The following DPYD variants were observed in gnomAD, a reference collection of about 807,000 sequenced individuals.
DPYD encodes dihydropyrimidine dehydrogenase [NADP(+)].
A neutral mutation model predicts 116.2 loss-of-function variants in DPYD; 109 were observed. The observed-to-expected ratio is 0.94, with a 90% CI of 0.80 to 1.10. The LOEUF is 1.10. DPYD is among the 50% of genes least tolerant of loss of function. The pLI is 0.00. For missense variants in DPYD, 1,302 were observed against 1,254.5 expected, an observed-to-expected ratio of 1.04 and a Z score of -0.57; for synonymous variants, 440 against 432.0, an observed-to-expected ratio of 1.02 and a Z score of -0.23.
At chr1:97,674,263 T>C (rs543216773) in intron 8 of DPYD, among the ~76,000 whole-genome samples, 1 of 152,310 alleles carries the variant, frequency 6.6e-6, no homozygotes, top group East Asian at 1.9e-4. Context: ...AAAAAGACTA[T>C]TCATCTCTAC....
chr1:97,847,228 TA>T (rs1338928982), intron 2 of DPYD, among the ~76,000 whole-genome samples: 1 of 152,188 alleles, frequency 6.6e-6, no homozygotes, highest in Non-Finnish European at 1.5e-5. Flanking sequence ...TGCTAAAGAA[TA>T]AGAATATAAT....
At chr1:97,463,143 T>C (rs77890507) in intron 13 of DPYD, among the ~76,000 whole-genome samples, 6 of 152,230 alleles carry the variant, frequency 3.9e-5, no homozygotes, top group African/African-American at 1.2e-4. Flanking sequence ...CTAAAATGTG[T>C]TGATATAATT....
At chr1:97,694,714 A>G (rs1468339756) in intron 6 of DPYD, among the ~76,000 whole-genome samples, 1 of 152,162 alleles carries the variant, frequency 6.6e-6, no homozygotes, top group Non-Finnish European at 1.5e-5. Flanking sequence ...CAGTAAAGTA[A>G]AAAGGTGTGT....
chr1:97,828,289 T>A (rs1320206654), intron 2 of DPYD, 93 bp from the exon 3 acceptor site: 2 of 1,139,758 alleles, frequency 1.8e-6, no homozygotes, highest in Non-Finnish European at 2.6e-6. Flanking sequence ...ATTATATTGA[T>A]CATGGACTCA....
At chr1:97,118,630 A>G (rs1007473223) in intron 20 of DPYD, among the ~76,000 whole-genome samples, 1 of 152,198 alleles carries the variant, frequency 6.6e-6, no homozygotes, top group Admixed American at 6.5e-5. Flanking sequence ...TCAATACTCA[A>G]TAAGGAGATT....
chr1:97,876,024 T>A (rs1423553306), intron 2 of DPYD, among the ~76,000 whole-genome samples: 1 of 152,066 alleles, frequency 6.6e-6, no homozygotes, highest in Non-Finnish European at 1.5e-5. Context: ...ATCTCTTTAT[T>A]CAAATGTCTA....
At chr1:97,543,581 A>G (rs1037112779) in intron 12 of DPYD, among the ~76,000 whole-genome samples, 4 of 152,238 alleles carry the variant, frequency 2.6e-5, no homozygotes, top group African/African-American at 9.6e-5. Flanking sequence ...CTAATGTAAA[A>G]TATAAGACAA....
intron 16 of DPYD, among the ~76,000 whole-genome samples, chr1:97,307,909 T>C (rs985912802): frequency 6.6e-6 from 1 of 151,942 alleles, no homozygotes; most frequent in Non-Finnish European, 1.5e-5. Flanking sequence ...CTAGATGATA[T>C]GAATTGCATG....
chr1:97,885,217 G>T, intron 1 of DPYD, among the ~76,000 whole-genome samples: 1 of 151,696 alleles, frequency 6.6e-6, no homozygotes, highest in African/African-American at 2.4e-5. Flanking sequence ...AAAAATTATT[G>T]GGTCATGTTC....
chr1:97,842,198 C>A (rs533446079), intron 2 of DPYD, among the ~76,000 whole-genome samples: 60 of 151,892 alleles, frequency 4.0e-4, no homozygotes, highest in African/African-American at 1.3e-3. Flanking sequence ...TATTTTTAAT[C>A]AACTTTGGCG....
At chr1:97,647,337 G>A (rs1658324120) in intron 8 of DPYD, among the ~76,000 whole-genome samples, 1 of 151,966 alleles carries the variant, frequency 6.6e-6, no homozygotes. Flanking sequence ...AAGTGATGGG[G>A]AGATGAGTAC....
intron 16 of DPYD, among the ~76,000 whole-genome samples, chr1:97,336,270 C>T (rs58054780): frequency 0.064 from 9,744 of 152,134 alleles, 419 homozygotes; most frequent in African/African-American, 0.12. Flanking sequence ...CAGGTAAATG[C>T]AGTATCAATG....
intron 14 of DPYD, among the ~76,000 whole-genome samples, chr1:97,401,044 T>C (rs1673346393): frequency 6.6e-6 from 1 of 152,118 alleles, no homozygotes; most frequent in Non-Finnish European, 1.5e-5. Context: ...GTTGTTTTAA[T>C]TTGCATTTCC....
chr1:97,399,564 T>A (rs1204219417), intron 14 of DPYD, among the ~76,000 whole-genome samples: 1 of 152,224 alleles, frequency 6.6e-6, no homozygotes, highest in Non-Finnish European at 1.5e-5. Flanking sequence ...ACGATATTTA[T>A]TCTTCCTGTC....
At chr1:97,628,373 G>A (rs1395919475) in intron 8 of DPYD, among the ~76,000 whole-genome samples, 1 of 152,022 alleles carries the variant, frequency 6.6e-6, no homozygotes, top group African/African-American at 2.4e-5. Flanking sequence ...AGTATACACA[G>A]TGATTTTTCT....
intron 6 of DPYD, among the ~76,000 whole-genome samples, chr1:97,697,602 T>G (rs1290564461): frequency 6.6e-6 from 1 of 152,002 alleles, no homozygotes; most frequent in Non-Finnish European, 1.5e-5. Flanking sequence ...CTGAAAAGAT[T>G]CAAAGGCAAA....
chr1:97,168,701 T>C lies in DPYD; in HGVS notation c.2622+24368A>G, dbSNP rs17116518. The stretch of plus-strand genomic sequence containing the variant: ...TTTTTAACCAATGAGTTTAGATATA[T>C]TCTAGATGACCAAATTGAACTTTAA... On this transcript the variant is annotated intron_variant, in intron 20 of 22. Transcript: ENST00000370192. 0.017 allele frequency among the ~76,000 whole-genome samples: 2,658 copies of C among 152,236 alleles called. 210 individuals are homozygous for C. In the East Asian group the frequency reaches 0.24, roughly 14 times the overall value.
At chr1:97,740,532 A>G (rs1266833525) in intron 3 of DPYD, 53 bp from the exon 4 acceptor site, 4 of 1,455,110 alleles carry the variant, frequency 2.7e-6, no homozygotes, top group Non-Finnish European at 3.8e-6. Flanking sequence ...GAGATAATCT[A>G]TTTTCTACCT....
chr1:97,615,447 A>G (rs576274442), intron 8 of DPYD, among the ~76,000 whole-genome samples: 1 of 152,296 alleles, frequency 6.6e-6, no homozygotes, highest in East Asian at 1.9e-4. Context: ...ATTGGTAAGT[A>G]CAAACTACAT....
Sources: allele counts gnomAD v4.1 joint callset (sites outside exome capture counted in the v4.1 genomes callset), GRCh38; gene constraint gnomAD v4.1.1; transcripts MANE v1.5; gene names NCBI Gene and HGNC (gene_info 2026-07-23, HGNC 2026-07-21).